The following HNF4G variants were observed in gnomAD, a reference collection of about 807,000 sequenced individuals.
HNF4G encodes the protein hepatocyte nuclear factor 4-gamma.
Under a neutral mutation model 50.9 loss-of-function variants are expected in HNF4G, and 21 were observed. That is an observed-to-expected ratio of 0.41 (90% confidence interval 0.29 to 0.59). The LOEUF is 0.59. Among genes scored for constraint, HNF4G ranks in the 20% least tolerant of loss-of-function variants. The pLI, the probability that HNF4G is intolerant of heterozygous loss-of-function variation, is 0.26. For synonymous variants in HNF4G, 198 were observed against 185.6 expected, an observed-to-expected ratio of 1.07 and a Z score of -0.54; for missense variants, 527 against 559.4, an observed-to-expected ratio of 0.94 and a Z score of 0.58.
intron 1 of HNF4G, among the ~76,000 whole-genome samples, chr8:75,447,639 T>C (rs1811454923): frequency 6.6e-6 from 1 of 152,052 alleles, no homozygotes. Context: ...AACAGACACT[T>C]CTCAAAAGAA....
chr8:75,452,135 G>A (rs1156599622), intron 1 of HNF4G, among the ~76,000 whole-genome samples: 1 of 151,966 alleles, frequency 6.6e-6, no homozygotes, highest in African/African-American at 2.4e-5. Context: ...GGGAACTACT[G>A]GATGTCTTTG....
chr8:75,514,493 C>T (rs1805843130), intron 2 of HNF4G, among the ~76,000 whole-genome samples: 3 of 151,366 alleles, frequency 2.0e-5, no homozygotes, highest in South Asian at 4.2e-4. Context: ...GCTGAGACTA[C>T]AGGTGTGTGC....
intron 1 of HNF4G, among the ~76,000 whole-genome samples, chr8:75,447,382 C>T (rs1811447252): frequency 8.2e-6 from 1 of 121,432 alleles, no homozygotes; most frequent in South Asian, 2.9e-4. Context: ...GCAAGGACTT[C>T]ATGTCCAAAA....
At chr8:75,499,876 T>C (rs1812877821) in intron 2 of HNF4G, among the ~76,000 whole-genome samples, 2 of 151,976 alleles carry the variant, frequency 1.3e-5, no homozygotes, top group African/African-American at 4.8e-5. Flanking sequence ...TGACATAACA[T>C]ACAAAAATTA....
chr8:75,523,829 T>C (rs988204445), intron 2 of HNF4G, among the ~76,000 whole-genome samples: 1 of 151,976 alleles, frequency 6.6e-6, no homozygotes, highest in Non-Finnish European at 1.5e-5. Flanking sequence ...CAAATAATTT[T>C]ATATACTTCT....
At chr8:75,422,914 T>C (rs1048733870) in intron 1 of HNF4G, among the ~76,000 whole-genome samples, 2 of 152,336 alleles carry the variant, frequency 1.3e-5, no homozygotes. Flanking sequence ...TTTATCAGCA[T>C]TAATTCATTT....
At chr8:75,427,279 T>C (rs1318317452) in intron 1 of HNF4G, among the ~76,000 whole-genome samples, 1 of 152,096 alleles carries the variant, frequency 6.6e-6, no homozygotes, top group African/African-American at 2.4e-5. Context: ...AATAAAAATA[T>C]TAAAAAATTA....
chr8:75,454,433 G>C (rs1811669611), intron 1 of HNF4G, among the ~76,000 whole-genome samples: 1 of 152,034 alleles, frequency 6.6e-6, no homozygotes, highest in Admixed American at 6.6e-5. Flanking sequence ...TACTATCCTG[G>C]GCATTGAATG....
chr8:75,451,941 T>G (rs1811595851), intron 1 of HNF4G, among the ~76,000 whole-genome samples: 1 of 152,172 alleles, frequency 6.6e-6, no homozygotes, highest in African/African-American at 2.4e-5. Flanking sequence ...CATGGAAGAT[T>G]TCATGCACAA....
rs188368532 is a variant in HNF4G at position 75,555,084 on chromosome 8, C to T, written c.646-898C>T. The stretch of plus-strand genomic sequence containing the variant: ...CCATCACCTGTGAGGCCATGTTTGA[C>T]GAGTTTGGATTTCAGTCTAGGGACA... On this transcript the variant is annotated intron_variant, in intron 5 of 9. Transcript: ENST00000396423. Among the ~76,000 whole-genome samples the T allele has an allele frequency of 5.3e-4, 80 of 152,208 alleles. 1 individual carries two copies. Among genetic ancestry groups the T allele is most frequent in the Admixed American group, 5.0e-3 (77 of 15,286 alleles).
At chr8:75,474,204 A>C (rs560201013) in intron 1 of HNF4G, among the ~76,000 whole-genome samples, 1 of 152,320 alleles carries the variant, frequency 6.6e-6, no homozygotes, top group East Asian at 1.9e-4. Flanking sequence ...ACAAAACTTA[A>C]ACAGTTAATA....
intron 1 of HNF4G, among the ~76,000 whole-genome samples, chr8:75,475,305 G>A (rs1812216980): frequency 6.6e-6 from 1 of 152,202 alleles, no homozygotes; most frequent in Non-Finnish European, 1.5e-5. Context: ...ACTGTGCCTG[G>A]CCAAATAATT....
intron 1 of HNF4G, among the ~76,000 whole-genome samples, chr8:75,471,941 T>A (rs1024173009): frequency 6.6e-6 from 1 of 152,210 alleles, no homozygotes; most frequent in African/African-American, 2.4e-5. Context: ...TTACTTATGG[T>A]ACTTGAGCAA....
At chr8:75,499,331 C>G (rs1368175256) in intron 2 of HNF4G, among the ~76,000 whole-genome samples, 1 of 151,858 alleles carries the variant, frequency 6.6e-6, no homozygotes, top group Non-Finnish European at 1.5e-5. Flanking sequence ...AAAAGAGATA[C>G]AAGACTGTAC....
intron 1 of HNF4G, among the ~76,000 whole-genome samples, chr8:75,485,243 T>C (rs1401067967): frequency 6.6e-6 from 1 of 152,212 alleles, no homozygotes; most frequent in East Asian, 1.9e-4. Flanking sequence ...ACTTATCATT[T>C]TCTATAAAAA....
chr8:75,492,805 G>A (rs967269864), intron 2 of HNF4G, among the ~76,000 whole-genome samples: 1 of 152,070 alleles, frequency 6.6e-6, no homozygotes, highest in African/African-American at 2.4e-5. Flanking sequence ...GATATTTCTG[G>A]CTTTGAATTA....
intron 1 of HNF4G, among the ~76,000 whole-genome samples, chr8:75,423,640 T>C (rs534903860): frequency 2.0e-5 from 3 of 151,968 alleles, no homozygotes; most frequent in South Asian, 2.1e-4. Context: ...CCTGCCCACC[T>C]TGGGCTCCCA....
chr8:75,427,973 C>A (rs1027982230), intron 1 of HNF4G, among the ~76,000 whole-genome samples: 2 of 152,132 alleles, frequency 1.3e-5, no homozygotes, highest in Non-Finnish European at 2.9e-5. Context: ...TCAATCAAAG[C>A]AACATTGTTT....
intron 9 of HNF4G, 68 bp downstream of exon 9, chr8:75,560,534 A>G (rs1402229918): frequency 6.6e-7 from 1 of 1,516,194 alleles, no homozygotes; most frequent in Non-Finnish European, 9.0e-7. Flanking sequence ...GAATTGTGGG[A>G]AAGAATCTAT....
Sources: gnomAD v4.1 joint callset for allele counts (sites outside exome capture counted in the v4.1 genomes callset) on GRCh38, gnomAD v4.1.1 for gene constraint, MANE v1.5 for transcripts, NCBI Gene and HGNC (gene_info 2026-07-23, HGNC 2026-07-21) for gene names.